Variants in TANGO6 observed in about 807,000 individuals in gnomAD.
TANGO6 encodes the protein transport and golgi organization 6 homolog.
A neutral mutation model predicts 114.2 loss-of-function variants in TANGO6; 90 were observed. That is an observed-to-expected ratio of 0.79 (90% CI 0.66 to 0.94). TANGO6 has a LOEUF of 0.94. TANGO6 is among the 40% of genes least tolerant of loss of function. The probability of loss-of-function intolerance (pLI) is 0.00; values close to 1 mark genes in which losing one functional copy is unlikely to be tolerated. For synonymous variants in TANGO6, 477 were observed against 509.8 expected, an observed-to-expected ratio of 0.94 and a Z score of 0.87; for missense variants, 1,274 against 1,315.3, an observed-to-expected ratio of 0.97 and a Z score of 0.49.
chr16:69,083,540 T>C lies in TANGO6; in HGVS notation c.3164T>C (p.Leu1055Pro). 6.2e-7 allele frequency: 1 copy of C among 1,612,188 alleles called. No individual in the cohort carries two copies. Among genetic ancestry groups the C allele is most frequent in the Non-Finnish European group, 8.5e-7 (1 of 1,179,174 alleles). The change falls in exon 18 of 18, where the codon CTG becomes CCG. Residue 1055 changes from leucine to proline, a missense_variant. Leu to Pro is a moderately conservative substitution (Grantham distance 98, BLOSUM62 -3). Transcript: ENST00000261778. ...CACCTGCTGAAGCACGTAGTGTGTCTGGAGCCCGATGACGTGGCCAAGCTC... is the reference window on the plus strand; with the variant it reads ...CACCTGCTGAAGCACGTAGTGTGTCCGGAGCCCGATGACGTGGCCAAGCTC... ...LYHLLKHVVC[L>P]EPDDVAKLHA... is the part of the protein sequence containing the mutation.
chr16:68,951,612 CTTT>C (rs869222437), intron 14 of TANGO6, among the ~76,000 whole-genome samples: 7 of 133,462 alleles, frequency 5.2e-5, no homozygotes, highest in South Asian at 2.4e-4. Flanking sequence ...GGCCTCTGTT[CTTT>C]TTTTTTTTTT....
At chr16:69,042,599 C>A (rs967064507) in intron 17 of TANGO6, among the ~76,000 whole-genome samples, 2 of 152,164 alleles carry the variant, frequency 1.3e-5, no homozygotes, top group African/African-American at 4.8e-5. Flanking sequence ...TAACTTGGAG[C>A]ACTCACCTGG....
chr16:68,975,764 C>T (rs1238133902), intron 15 of TANGO6, among the ~76,000 whole-genome samples: 1 of 150,626 alleles, frequency 6.6e-6, no homozygotes, highest in African/African-American at 2.4e-5. Context: ...ACTATGTTGC[C>T]CAGGCTGGTC....
chr16:68,979,323 A>C (rs1039722735), intron 15 of TANGO6, among the ~76,000 whole-genome samples: 1 of 151,664 alleles, frequency 6.6e-6, no homozygotes, highest in African/African-American at 2.4e-5. Flanking sequence ...TCCACTTCCC[A>C]GGTTCAAGGG....
intron 1 of TANGO6, among the ~76,000 whole-genome samples, chr16:68,845,094 AG>A (rs1961782712): frequency 6.6e-6 from 1 of 151,320 alleles, no homozygotes; most frequent in South Asian, 2.1e-4. Context: ...CAGCCTCCCG[AG>A]TAGCTGGGAT....
At chr16:68,913,404 A>ATTTT (rs769117351) in intron 11 of TANGO6, among the ~76,000 whole-genome samples, 2 of 122,508 alleles carry the variant, frequency 1.6e-5, no homozygotes, top group African/African-American at 3.1e-5. Context: ...AAAATTATTA[A>ATTTT]TTTTTTTTTT....
At chr16:69,017,383 A>G (rs562138596) in intron 15 of TANGO6, among the ~76,000 whole-genome samples, 1 of 152,142 alleles carries the variant, frequency 6.6e-6, no homozygotes, top group African/African-American at 2.4e-5. Context: ...CCTTTTCTTT[A>G]TCATTTATTT....
chr16:69,049,038 C>T (rs1264300158), intron 17 of TANGO6, among the ~76,000 whole-genome samples: 2 of 152,122 alleles, frequency 1.3e-5, no homozygotes, highest in African/African-American at 2.4e-5. Context: ...ACCAGAGCCC[C>T]CTCTTCCCCT....
intron 14 of TANGO6, 112 bp from the exon 15 acceptor site, chr16:68,973,916 C>A: frequency 2.4e-6 from 3 of 1,271,956 alleles, no homozygotes; most frequent in Non-Finnish European, 3.3e-6. Context: ...GCTGGGAGAG[C>A]TTTAGAGATG....
At chr16:68,976,801 T>C (rs1285015572) in intron 15 of TANGO6, among the ~76,000 whole-genome samples, 1 of 152,210 alleles carries the variant, frequency 6.6e-6, no homozygotes, top group African/African-American at 2.4e-5. Context: ...GATTGTGTTA[T>C]AAAGTATAGC....
chr16:68,983,388 A>C (rs1169603465), intron 15 of TANGO6, among the ~76,000 whole-genome samples: 1 of 151,216 alleles, frequency 6.6e-6, no homozygotes, highest in African/African-American at 2.4e-5. Flanking sequence ...TTTTTTTCTT[A>C]ATCCTGGGGA....
chr16:68,889,519 T>C (rs568377269), intron 7 of TANGO6, among the ~76,000 whole-genome samples: 5 of 152,304 alleles, frequency 3.3e-5, no homozygotes, highest in African/African-American at 1.2e-4. Flanking sequence ...AAAAACTTTA[T>C]AGTGAAAAGT....
intron 16 of TANGO6, chr16:69,025,889 A>T: frequency 4.2e-6 from 1 of 239,674 alleles, no homozygotes; most frequent in South Asian, 7.4e-5. Context: ...AAGCCTCCTG[A>T]ACCCCTTTCA....
At chr16:69,076,088 C>CTTTTTTTTTTTTTTTT (rs34844519) in intron 17 of TANGO6, among the ~76,000 whole-genome samples, 4 of 85,684 alleles carry the variant, frequency 4.7e-5, no homozygotes, top group Non-Finnish European at 8.4e-5. Flanking sequence ...TATTTCATTT[C>CTTTTTTTTTTTTTTTT]TTTTTTTTTT....
chr16:68,939,956 A>C (rs1963335028), intron 14 of TANGO6, among the ~76,000 whole-genome samples: 1 of 152,104 alleles, frequency 6.6e-6, no homozygotes, highest in Admixed American at 6.5e-5. Flanking sequence ...GGTCAGGCAT[A>C]AACTGTGTAG....
chr16:68,968,699 C>T (rs1209215839), intron 14 of TANGO6, among the ~76,000 whole-genome samples: 1 of 113,362 alleles, frequency 8.8e-6, no homozygotes, highest in African/African-American at 3.6e-5. Context: ...GAGACGGAGT[C>T]TTGCTCTGTC....
At chr16:68,904,825 A>G (rs1322623054) in intron 9 of TANGO6, among the ~76,000 whole-genome samples, 1 of 152,146 alleles carries the variant, frequency 6.6e-6, no homozygotes, top group Non-Finnish European at 1.5e-5. Context: ...TGAGCTGGGT[A>G]TGGTGGTTCA....
At chr16:68,949,498 G>A (rs1038988945) in intron 14 of TANGO6, among the ~76,000 whole-genome samples, 8 of 151,010 alleles carry the variant, frequency 5.3e-5, no homozygotes, top group Non-Finnish European at 1.0e-4. Flanking sequence ...GTCAGTGCCT[G>A]TAATCCCAGC....
intron 7 of TANGO6, among the ~76,000 whole-genome samples, chr16:68,883,404 G>A (rs531871600): frequency 2.0e-5 from 3 of 152,252 alleles, no homozygotes; most frequent in East Asian, 1.9e-4. Flanking sequence ...AAATGGAATT[G>A]TACAATATGT....
Sources: allele counts gnomAD v4.1 joint callset (sites outside exome capture counted in the v4.1 genomes callset), GRCh38; gene constraint gnomAD v4.1.1; transcripts MANE v1.5; gene names NCBI Gene and HGNC (gene_info 2026-07-23, HGNC 2026-07-21).